The following SAMD3 variants were observed in gnomAD, a reference collection of about 807,000 sequenced individuals.
SAMD3 encodes the protein sterile alpha motif domain containing 3, also known as sterile alpha motif domain-containing protein 3.
Under a neutral mutation model 58.5 loss-of-function variants are expected in SAMD3, and 63 were observed. The ratio of observed to expected loss-of-function variants is 1.08; its 90% CI spans 0.88 to 1.33. The LOEUF (loss-of-function observed/expected upper bound fraction) is 1.33, where lower values mean the gene tolerates loss of function less well. SAMD3 is among the 40% of genes most tolerant of loss of function. The pLI is 0.00. For synonymous variants in SAMD3, 220 were observed against 210.3 expected (o/e 1.05, Z -0.40); for missense variants, 604 against 608.4 (o/e 0.99, Z 0.08).
rs531843042 is a variant in SAMD3, at chr6:130,156,032, A to C, written c.823-1007T>G. Among the ~76,000 whole-genome samples the C allele has an allele frequency of 9.2e-5, 14 of 152,250 alleles. No individual in the cohort carries two copies. The East Asian group carries it at 2.7e-3, about 29-fold the overall frequency. ...GAAACAGAGTGTTCAAATTTATGCA[A>C]AATTTTTCAAGAAAAAGGAAAGGAG... On this transcript the variant is annotated intron_variant, in intron 8 of 11. Coordinates refer to ENST00000439090, the MANE Select transcript of SAMD3 (RefSeq NM_001017373.4).
intron 5 of SAMD3, among the ~76,000 whole-genome samples, chr6:130,208,002 C>T (rs957605500): frequency 7.2e-5 from 11 of 152,342 alleles, no homozygotes; most frequent in African/African-American, 1.4e-4. Context: ...TGAGCTCTCA[C>T]GCTGAGGGTG....
At chr6:130,339,893 ATT>A (rs1777218324) in intron 1 of SAMD3, among the ~76,000 whole-genome samples, 1 of 55,286 alleles carries the variant, frequency 1.8e-5, no homozygotes, top group African/African-American at 1.4e-4. Context: ...CAATTTGAAT[ATT>A]CTCCATTCAT....
intron 2 of SAMD3, among the ~76,000 whole-genome samples, chr6:130,248,179 CG>C (rs1773618176): frequency 6.8e-6 from 1 of 146,284 alleles, no homozygotes; most frequent in Non-Finnish European, 1.5e-5. Context: ...AAGTGTTTTG[CG>C]TGTGTGTGTG....
At chr6:130,250,225 A>G (rs915416428) in intron 2 of SAMD3, among the ~76,000 whole-genome samples, 2 of 152,188 alleles carry the variant, frequency 1.3e-5, no homozygotes, top group Non-Finnish European at 2.9e-5. Flanking sequence ...AGACAGTCAC[A>G]AAAGTACCAT....
chr6:130,185,806 A>C (rs1047318099), intron 5 of SAMD3, among the ~76,000 whole-genome samples: 1 of 151,592 alleles, frequency 6.6e-6, no homozygotes, highest in Non-Finnish European at 1.5e-5. Flanking sequence ...AATATTTTTT[A>C]TTTTTTGTGG....
chr6:130,345,732 G>C (rs890175065), intron 1 of SAMD3, among the ~76,000 whole-genome samples: 2 of 152,154 alleles, frequency 1.3e-5, no homozygotes, highest in African/African-American at 4.8e-5. Flanking sequence ...GCAGGAAGGA[G>C]AGAATTTGTC....
chr6:130,343,278 C>A (rs1199394634), intron 1 of SAMD3, among the ~76,000 whole-genome samples: 3 of 151,910 alleles, frequency 2.0e-5, no homozygotes, highest in African/African-American at 7.3e-5. Context: ...AAGTGAGCTA[C>A]CTATATCAAA....
At position 130,159,191 on chromosome 6, in the gene SAMD3, G is replaced by A. The variant is rs149733515; in HGVS notation, c.823-4166C>T. On this transcript the variant is annotated intron_variant, in intron 8 of 11. Coordinates refer to ENST00000439090, the MANE Select transcript of SAMD3 (RefSeq NM_001017373.4). Reference sequence around the variant, plus strand: ...CAAGTCTTTCTCATGCTGTTCTCATGGTAGTGAATGGGTCTCACAAGATCC... The same window carrying A: ...CAAGTCTTTCTCATGCTGTTCTCATAGTAGTGAATGGGTCTCACAAGATCC... 7.8e-3 allele frequency among the ~76,000 whole-genome samples: 1,183 copies of A among 152,230 alleles called. 19 individuals carry two copies. The highest frequency in any genetic ancestry group is 0.027 in the African/African-American group (1,101 of 41,542).
chr6:130,334,342 G>GA (rs150158828), intron 1 of SAMD3, among the ~76,000 whole-genome samples: 29 of 151,998 alleles, frequency 1.9e-4, no homozygotes, highest in South Asian at 6.3e-4. Flanking sequence ...AACTTTTAAG[G>GA]AAAAAAACAA....
Position 130,214,436 on chromosome 6 carries a change from A to G in SAMD3, c.170T>C (p.Met57Thr). The part of the protein sequence containing the change: ...VKKIGHQAVL[M>T]DLIKKYKQNT... ...CTGCTTGTATTTTTTAATTAAATCCATCAGAACAGCCTGGTGCCCAATTTT... is the reference window on the plus strand; with the variant it reads ...CTGCTTGTATTTTTTAATTAAATCCGTCAGAACAGCCTGGTGCCCAATTTT... The change falls in exon 4 of 12, where the codon ATG (methionine) becomes ACG (threonine). Residue 57 changes from methionine to threonine, a missense_variant. Coordinates refer to ENST00000439090, the MANE Select transcript of SAMD3 (RefSeq NM_001017373.4). 1.9e-6 allele frequency: 3 copies of G among 1,613,390 alleles called. No homozygotes were observed. The highest frequency in any genetic ancestry group is 2.5e-6 in the Non-Finnish European group (3 of 1,179,686).
chr6:130,290,209 C>T (rs925259922), intron 2 of SAMD3, among the ~76,000 whole-genome samples: 1 of 151,928 alleles, frequency 6.6e-6, no homozygotes, highest in African/African-American at 2.4e-5. Flanking sequence ...GGAATTGGTT[C>T]GTGTGATTAT....
At position 130,341,390 on chromosome 6, in the gene SAMD3, T is replaced by C. The variant is rs560421744; in HGVS notation, c.-304+23730A>G. Among the ~76,000 whole-genome samples the C allele has an allele frequency of 3.9e-5, 6 of 152,346 alleles. No individual in the cohort carries two copies. In the East Asian group the frequency reaches 1.2e-3, roughly 29 times the overall value. ...AGGTTTTAGTTTAGTTCTTTTGTTG[T>C]TAATTTCTCTCACTTAAGAACCTGC... On this transcript the variant is annotated intron_variant, in intron 1 of 13. Coordinates refer to the SAMD3 transcript ENST00000368134.
chr6:130,301,664 G>A (rs1012411414), intron 2 of SAMD3, among the ~76,000 whole-genome samples: 1 of 152,088 alleles, frequency 6.6e-6, no homozygotes, highest in Non-Finnish European at 1.5e-5. Flanking sequence ...GAGGCATCAC[G>A]TTGCCTGAGT....
chr6:130,169,230 AC>A (rs201941223), intron 8 of SAMD3, among the ~76,000 whole-genome samples: 3 of 150,740 alleles, frequency 2.0e-5, no homozygotes, highest in South Asian at 2.1e-4. Context: ...AAATGATGGA[AC>A]CCCCCCACAC....
chr6:130,221,065 A>G (rs1006119544), intron 1 of SAMD3, among the ~76,000 whole-genome samples: 12 of 152,074 alleles, frequency 7.9e-5, no homozygotes, highest in Non-Finnish European at 1.8e-4. Context: ...TGTGTTAGCC[A>G]GGATGGTCTC....
chr6:130,182,044 G>A lies in SAMD3; in HGVS notation c.654+2059C>T, dbSNP rs374557683. On this transcript the variant is annotated intron_variant, in intron 7 of 11. Transcript: ENST00000439090. ...CGTGCCACTGCACTCCAGCCTGGGC[G>A]ACAGAGCAAGACTCTGTCTCAAAAA... Among the ~76,000 whole-genome samples the A allele has an allele frequency of 2.1e-3, 288 of 137,794 alleles. 2 individuals carry two copies. Among genetic ancestry groups the A allele is most frequent in the African/African-American group, 7.3e-3 (268 of 36,660 alleles). The allele number at this position is 137,794 out of a possible 152,430, so 90.4% of individuals were successfully genotyped here.
Position 130,146,161 on chromosome 6 carries a change from A to T in SAMD3, c.1044T>A (p.Leu348=), listed in dbSNP as rs1788610738. 1 of 1,584,478 alleles carries T rather than the reference A, an allele frequency of 6.3e-7. No homozygotes were observed. Among genetic ancestry groups the T allele is most frequent in the African/African-American group, 1.4e-5 (1 of 73,630 alleles). ...CPYQMFREFQ[L]LTRTDIYKKT... ...TCTTATAAATATCTGTTCTTGTAAG[A>T]AGTTGGAATTCTCTGAACATCTGAC... Residue 348 remains leucine, a synonymous_variant, in exon 10 of 12, where the codon CTT becomes CTA. Transcript: ENST00000439090.
At chr6:130,212,681 C>G (rs1237814900) in intron 4 of SAMD3, among the ~76,000 whole-genome samples, 1 of 152,194 alleles carries the variant, frequency 6.6e-6, no homozygotes, top group Non-Finnish European at 1.5e-5. Flanking sequence ...TCCTGGCAGT[C>G]CAGCTAGTTC....
chr6:130,337,233 T>A (rs1583125554), intron 1 of SAMD3, among the ~76,000 whole-genome samples: 1 of 152,064 alleles, frequency 6.6e-6, no homozygotes, highest in Non-Finnish European at 1.5e-5. Context: ...CTCATGAGAT[T>A]TGATGGTTTT....
Sources: gnomAD v4.1 joint callset for allele counts (sites outside exome capture counted in the v4.1 genomes callset) on GRCh38, gnomAD v4.1.1 for gene constraint, MANE v1.5 for transcripts, NCBI Gene and HGNC (gene_info 2026-07-23, HGNC 2026-07-21) for gene names.